Variants in RALYL observed in about 807,000 individuals in gnomAD.
The protein encoded by RALYL is RALY RNA binding protein like.
RALYL carries 29 observed loss-of-function variants against 35.1 expected under a neutral mutation model. That is an observed-to-expected ratio of 0.83 (90% CI 0.61 to 1.13). The LOEUF (loss-of-function observed/expected upper bound fraction) is 1.13. RALYL is among the 50% of genes most tolerant of loss of function. The probability of loss-of-function intolerance (pLI) is 0.00; values close to 1 mark genes in which losing one functional copy is unlikely to be tolerated. For synonymous variants in RALYL, 120 were observed against 127.6 expected (o/e 0.94, Z 0.40); for missense variants, 359 against 360.4 (o/e 1.00, Z 0.03).
Position 84,447,388 on chromosome 8 carries a change from C to T in RALYL, c.-23-81911C>T, listed in dbSNP as rs7016419. ...CTCTGTTTTGGGTGATACCTAAATG[C>T]GTGGCCTGCTTGGTCTTGGAGCTCA... On this transcript the variant is annotated intron_variant, in intron 1 of 8. Transcript: ENST00000521268. Among the ~76,000 whole-genome samples, 775 of 152,066 alleles carry T rather than the reference C, an allele frequency of 5.1e-3. 8 individuals are homozygous for T. Among genetic ancestry groups the T allele is most frequent in the African/African-American group, 0.018 (752 of 41,496 alleles).
chr8:84,883,808 G>A (rs1017193784), intron 7 of RALYL, among the ~76,000 whole-genome samples: 3 of 151,990 alleles, frequency 2.0e-5, no homozygotes, highest in Non-Finnish European at 4.4e-5. Flanking sequence ...ATTTTGACAT[G>A]GGAAATTTGT....
intron 1 of RALYL, among the ~76,000 whole-genome samples, chr8:84,372,379 T>C (rs1393747084): frequency 6.6e-6 from 1 of 151,930 alleles, no homozygotes; most frequent in Non-Finnish European, 1.5e-5. Flanking sequence ...GAATGTATCA[T>C]AAAGCAACAA....
At chr8:84,719,631 T>A (rs1589181937) in intron 2 of RALYL, among the ~76,000 whole-genome samples, 1 of 152,192 alleles carries the variant, frequency 6.6e-6, no homozygotes, top group Non-Finnish European at 1.5e-5. Flanking sequence ...AGTTTCTAGT[T>A]AATTCATGGC....
At chr8:84,683,624 T>G (rs1190105942) in intron 2 of RALYL, among the ~76,000 whole-genome samples, 3 of 152,138 alleles carry the variant, frequency 2.0e-5, no homozygotes, top group Non-Finnish European at 2.9e-5. Context: ...GCACTGGGGC[T>G]GAGATTAGAC....
chr8:84,254,746 G>GAAAAA (rs10675428), intron 1 of RALYL, among the ~76,000 whole-genome samples: 22,078 of 126,230 alleles, frequency 0.17, 2,926 homozygotes, highest in African/African-American at 0.34. Context: ...GGTAATTTAT[G>GAAAAA]AAAAAAAAAA....
At chr8:84,656,943 GA>G (rs566535534) in intron 2 of RALYL, among the ~76,000 whole-genome samples, 79 of 152,102 alleles carry the variant, frequency 5.2e-4, no homozygotes, top group African/African-American at 1.5e-3. Flanking sequence ...TGGGACAATG[GA>G]AAAAATGTTT....
intron 3 of RALYL, among the ~76,000 whole-genome samples, chr8:84,801,853 A>T (rs1262096552): frequency 6.6e-6 from 1 of 152,214 alleles, no homozygotes; most frequent in Non-Finnish European, 1.5e-5. Flanking sequence ...GTGGTAACAC[A>T]AAAACATTTC....
At chr8:84,553,165 T>C in intron 2 of RALYL, among the ~76,000 whole-genome samples, 1 of 152,156 alleles carries the variant, frequency 6.6e-6, no homozygotes, top group Middle Eastern at 3.2e-3. Flanking sequence ...CTTCTTTTTC[T>C]TTTTTTGGGA....
intron 1 of RALYL, among the ~76,000 whole-genome samples, chr8:84,256,569 C>G (rs993036687): frequency 1.3e-5 from 2 of 152,042 alleles, no homozygotes; most frequent in African/African-American, 4.8e-5. Context: ...ATAGTAGGCT[C>G]TCATGCAGCT....
At chr8:84,282,058 G>T (rs1033859714) in intron 1 of RALYL, among the ~76,000 whole-genome samples, 1 of 152,020 alleles carries the variant, frequency 6.6e-6, no homozygotes, top group Non-Finnish European at 1.5e-5. Flanking sequence ...GATAGTCTCT[G>T]TGGAAATCTC....
rs535451462 is a variant in RALYL, at chr8:84,354,727, A to T, written c.-24+170303A>T. ...GGAATCCTGGGAGCCAAGCTGAGCA[A>T]AGGAAGAGTCCTCCTTAGAAGACAG... On this transcript the variant is annotated intron_variant, in intron 1 of 8. Transcript: ENST00000521268. Among the ~76,000 whole-genome samples, 69 of 150,464 alleles carry T rather than the reference A, an allele frequency of 4.6e-4. 1 individual carries two copies. In the South Asian group the frequency reaches 0.014, roughly 31 times the overall value.
intron 6 of RALYL, among the ~76,000 whole-genome samples, chr8:84,870,903 G>T (rs1382393092): frequency 1.3e-5 from 2 of 152,142 alleles, no homozygotes; most frequent in African/African-American, 4.8e-5. Flanking sequence ...CTGAGATATT[G>T]AAGTGTGATG....
At chr8:84,542,608 T>C (rs1329813960) in intron 2 of RALYL, among the ~76,000 whole-genome samples, 1 of 152,136 alleles carries the variant, frequency 6.6e-6, no homozygotes, top group Non-Finnish European at 1.5e-5. Context: ...GCTGCCACCA[T>C]GTGAGGAAGG....
intron 4 of RALYL, among the ~76,000 whole-genome samples, chr8:84,808,242 C>G (rs112800014): frequency 0.013 from 2,028 of 152,308 alleles, 46 homozygotes; most frequent in African/African-American, 0.046. Context: ...TATCCCAGTA[C>G]TATTTGTTGA....
At position 84,530,023 on chromosome 8, in the gene RALYL, T is replaced by C. The variant is rs916893933; in HGVS notation, c.256+446T>C. On this transcript the variant is annotated intron_variant, in intron 2 of 8. Transcript: ENST00000521268. Reference sequence around the variant, plus strand: ...TAGAAAATAGCGAAAGAAAGTAAATTTTTAGAATGGGGAAAGGAATATAAT... The same window carrying C: ...TAGAAAATAGCGAAAGAAAGTAAATCTTTAGAATGGGGAAAGGAATATAAT... Among the ~76,000 whole-genome samples the C allele has an allele frequency of 2.0e-5, 3 of 152,238 alleles. No homozygotes were observed. The South Asian group carries it at 6.2e-4, about 32-fold the overall frequency.
chr8:84,736,304 C>A (rs1419421051), intron 2 of RALYL, among the ~76,000 whole-genome samples: 2 of 152,002 alleles, frequency 1.3e-5, no homozygotes, highest in Non-Finnish European at 2.9e-5. Context: ...TCCAACAATT[C>A]TATCTATTAC....
At chr8:84,754,664 G>A (rs746015066) in intron 2 of RALYL, among the ~76,000 whole-genome samples, 1 of 152,058 alleles carries the variant, frequency 6.6e-6, no homozygotes, top group Admixed American at 6.6e-5. Flanking sequence ...GAGATGAAAG[G>A]AGAGGACAGT....
In RALYL at chr8:84,520,069, C is replaced by A. The variant is rs192015517; in HGVS notation, c.-23-9230C>A. ...TATTAATTGCTTCATTTCTCAAGATCCTTATATCACAAGTGGGTACTGACC... is the reference window on the plus strand; with the variant it reads ...TATTAATTGCTTCATTTCTCAAGATACTTATATCACAAGTGGGTACTGACC... On this transcript the variant is annotated intron_variant, in intron 1 of 8. Transcript: ENST00000521268. Among the ~76,000 whole-genome samples the A allele has an allele frequency of 6.1e-4, 93 of 152,308 alleles. 1 individual carries two copies. In the East Asian group the frequency reaches 0.015, roughly 25 times the overall value.
At chr8:84,288,257 G>A (rs187414438) in intron 1 of RALYL, among the ~76,000 whole-genome samples, 11 of 151,944 alleles carry the variant, frequency 7.2e-5, no homozygotes, top group Admixed American at 2.0e-4. Flanking sequence ...GGCCACATCC[G>A]CAGGAATCAG....
Sources: gnomAD v4.1 joint callset for allele counts (sites outside exome capture counted in the v4.1 genomes callset) on GRCh38, gnomAD v4.1.1 for gene constraint, MANE v1.5 for transcripts, NCBI Gene and HGNC (gene_info 2026-07-23, HGNC 2026-07-21) for gene names.